Variants in RAD51B observed in about 807,000 individuals in gnomAD.
The protein encoded by RAD51B is RAD51 paralog B.
A neutral mutation model predicts 42.2 loss-of-function variants in RAD51B; 38 were observed. The ratio of observed to expected loss-of-function variants is 0.90; its 90% confidence interval spans 0.70 to 1.18. RAD51B has a LOEUF of 1.18. Ranked by LOEUF, RAD51B falls within the 50% of genes most tolerant of loss-of-function variation. The pLI is 0.00. For synonymous variants in RAD51B, 154 were observed against 145.2 expected (o/e 1.06, Z -0.43); for missense variants, 373 against 400.7 (o/e 0.93, Z 0.59).
intron 7 of RAD51B, among the ~76,000 whole-genome samples, chr14:68,034,899 G>A (rs371841979): frequency 8.5e-5 from 13 of 152,176 alleles, no homozygotes; most frequent in African/African-American, 2.9e-4. Flanking sequence ...TAGGCAAATT[G>A]TGCACATTTA....
chr14:68,003,993 G>T (rs1225839840), intron 7 of RAD51B, among the ~76,000 whole-genome samples: 1 of 152,052 alleles, frequency 6.6e-6, no homozygotes, highest in East Asian at 1.9e-4. Flanking sequence ...GGTAGATTAT[G>T]TTAATGGCTT....
intron 8 of RAD51B, among the ~76,000 whole-genome samples, chr14:68,349,639 TACAGGCATGAGCC>T (rs1429366759): frequency 1.3e-5 from 2 of 152,138 alleles, no homozygotes. Context: ...GTGCTGGGAT[TACAGGCATGAGCC>T]ACCATGCCTG....
chr14:68,630,874 C>T (rs1487399250), intron 10 of RAD51B, among the ~76,000 whole-genome samples: 1 of 152,212 alleles, frequency 6.6e-6, no homozygotes, highest in African/African-American at 2.4e-5. Context: ...AACTCCATTT[C>T]AACAGCGTCA....
intron 7 of RAD51B, among the ~76,000 whole-genome samples, chr14:68,047,298 C>T (rs994954042): frequency 1.3e-5 from 2 of 152,130 alleles, no homozygotes; most frequent in African/African-American, 2.4e-5. Context: ...AGCCAAGCTG[C>T]TAAACAGAGT....
At position 68,648,124 on chromosome 14, in the gene RAD51B, T is replaced by C. The variant is rs200907894; in HGVS notation, c.1037-2657T>C. ...ATATATACACACACGTATATATATA[T>C]ACACACACGTATATATATATATACA... On this transcript the variant is annotated intron_variant, in intron 10 of 11. Transcript: ENST00000488612. Among the ~76,000 whole-genome samples, 77 of 64,290 alleles carry C rather than the reference T, an allele frequency of 1.2e-3. 7 individuals carry two copies. Among genetic ancestry groups the C allele is most frequent in the East Asian group, 9.9e-3 (7 of 704 alleles). 42.2% of individuals were successfully genotyped at this position (64,290 alleles called of 152,430 possible).
At chr14:68,306,722 G>C (rs188839262) in intron 8 of RAD51B, 1 of 458,160 alleles carries the variant, frequency 2.2e-6, no homozygotes, top group East Asian at 5.7e-5. Context: ...ACATGAGTTA[G>C]TAATGTTCTC....
At chr14:67,821,570 A>G (rs2040629309) in intron 1 of RAD51B, among the ~76,000 whole-genome samples, 1 of 152,144 alleles carries the variant, frequency 6.6e-6, no homozygotes, top group African/African-American at 2.4e-5. Flanking sequence ...TGATCCTCTC[A>G]TCTCAGCCTC....
At chr14:68,374,679 G>A (rs73276209) in intron 8 of RAD51B, among the ~76,000 whole-genome samples, 24 of 150,478 alleles carry the variant, frequency 1.6e-4, no homozygotes, top group African/African-American at 4.9e-4. Context: ...TTAAATACAC[G>A]CCTCATTATA....
intron 7 of RAD51B, among the ~76,000 whole-genome samples, chr14:68,168,313 C>G (rs1332710546): frequency 6.6e-6 from 1 of 152,078 alleles, no homozygotes; most frequent in East Asian, 1.9e-4. Context: ...CTGCAAACGT[C>G]TTTTATGTCT....
At chr14:68,542,559 C>T (rs939689157) in intron 10 of RAD51B, among the ~76,000 whole-genome samples, 7 of 152,090 alleles carry the variant, frequency 4.6e-5, no homozygotes, top group South Asian at 2.1e-4. Context: ...CACCATTTGC[C>T]GCCTCTGCAA....
At chr14:67,994,335 G>A (rs1003292969) in intron 7 of RAD51B, among the ~76,000 whole-genome samples, 2 of 151,912 alleles carry the variant, frequency 1.3e-5, no homozygotes, top group African/African-American at 2.4e-5. Context: ...GAAAAAGAAA[G>A]CTTTTGTAAT....
At chr14:68,515,778 CTTT>C (rs546071661) in intron 10 of RAD51B, among the ~76,000 whole-genome samples, 6 of 113,384 alleles carry the variant, frequency 5.3e-5, no homozygotes, top group African/African-American at 1.4e-4. Context: ...CTTTTCTTTT[CTTT>C]TTTTTTTTTT....
intron 7 of RAD51B, among the ~76,000 whole-genome samples, chr14:68,020,191 C>T (rs1264976419): frequency 6.6e-6 from 1 of 152,160 alleles, no homozygotes; most frequent in Non-Finnish European, 1.5e-5. Context: ...CTCACTGCAA[C>T]CTCTGTCTCC....
At chr14:68,002,476 G>A (rs1380069157) in intron 7 of RAD51B, among the ~76,000 whole-genome samples, 1 of 151,974 alleles carries the variant, frequency 6.6e-6, no homozygotes, top group African/African-American at 2.4e-5. Flanking sequence ...CTGCCATTCT[G>A]TTAGAAACTA....
intron 7 of RAD51B, among the ~76,000 whole-genome samples, chr14:68,118,960 CT>C (rs1275719428): frequency 5.0e-4 from 73 of 145,332 alleles, no homozygotes; most frequent in Non-Finnish European, 6.7e-4. Flanking sequence ...CAAACAAGTT[CT>C]TTTTTTTTTT....
At chr14:68,316,823 C>T (rs903755551) in intron 8 of RAD51B, among the ~76,000 whole-genome samples, 4 of 152,130 alleles carry the variant, frequency 2.6e-5, no homozygotes, top group African/African-American at 9.7e-5. Flanking sequence ...ATTTTCTTTA[C>T]AGATTTATTG....
intron 10 of RAD51B, chr14:68,610,910 G>A (rs17106015): frequency 0.066 from 41,450 of 625,942 alleles, 1,694 homozygotes; most frequent in Middle Eastern, 0.14. Context: ...GTGTAACCCT[G>A]CAGGCCATGA....
At chr14:68,519,319 A>T (rs11624097) in intron 10 of RAD51B, among the ~76,000 whole-genome samples, 27,685 of 152,272 alleles carry the variant, frequency 0.18, 3,220 homozygotes, top group Non-Finnish European at 0.27. Context: ...ACCTGAATTA[A>T]CTGAATCAGA....
In RAD51B at chr14:68,225,314, G is replaced by A. The variant is rs184081214; in HGVS notation, c.757-66570G>A. ...TCAGCTTATTTACTTTCTTACTTAT[G>A]TCTTATCTGGATTCTTATTAACGTT... On this transcript the variant is annotated intron_variant, in intron 7 of 10. Coordinates refer to ENST00000471583, the MANE Select transcript of RAD51B (RefSeq NM_133510.4). Among the ~76,000 whole-genome samples the A allele has an allele frequency of 1.1e-4, 16 of 152,256 alleles. No individual in the cohort carries two copies. The East Asian group carries it at 2.7e-3, about 26-fold the overall frequency.
Sources: allele counts gnomAD v4.1 joint callset (sites outside exome capture counted in the v4.1 genomes callset), GRCh38; gene constraint gnomAD v4.1.1; transcripts MANE v1.5; gene names NCBI Gene and HGNC (gene_info 2026-07-23, HGNC 2026-07-21).